AGBL4: variants seen among roughly 807,000 people sequenced by gnomAD.
AGBL4 encodes the protein cytosolic carboxypeptidase 6.
A neutral mutation model predicts 66.4 loss-of-function variants in AGBL4; 58 were observed. That is an observed-to-expected ratio of 0.87 (90% CI 0.71 to 1.09). AGBL4 has a LOEUF of 1.09. AGBL4 is among the 50% of genes least tolerant of loss of function. The probability of loss-of-function intolerance (pLI) is 0.00; values close to 1 mark genes in which losing one functional copy is unlikely to be tolerated. For missense variants in AGBL4, 579 were observed against 631.0 expected, an observed-to-expected ratio of 0.92 and a Z score of 0.88; for synonymous variants, 234 against 222.9, an observed-to-expected ratio of 1.05 and a Z score of -0.44.
At chr1:49,882,194 T>C (rs923566840) in intron 1 of AGBL4, among the ~76,000 whole-genome samples, 32 of 151,114 alleles carry the variant, frequency 2.1e-4, no homozygotes, top group African/African-American at 7.8e-4. Flanking sequence ...GATCAGATAG[T>C]TGTAGATATG....
chr1:49,105,952 C>A (rs1645284808), intron 4 of AGBL4, among the ~76,000 whole-genome samples: 1 of 152,014 alleles, frequency 6.6e-6, no homozygotes, highest in Admixed American at 6.6e-5. Context: ...ATAGAAAGGA[C>A]AAAGGAACAT....
At chr1:48,704,065 T>C (rs1646843960) in intron 6 of AGBL4, among the ~76,000 whole-genome samples, 1 of 152,244 alleles carries the variant, frequency 6.6e-6, no homozygotes, top group Admixed American at 6.5e-5. Flanking sequence ...CTGTACAGCA[T>C]GGTACTGTAC....
At position 49,968,762 on chromosome 1, in the gene AGBL4, T is replaced by C. The variant is rs143097821; in HGVS notation, c.34+55001A>G. Among the ~76,000 whole-genome samples, 406 of 152,282 alleles carry C rather than the reference T, an allele frequency of 2.7e-3. 3 individuals carry two copies. Among genetic ancestry groups the C allele is most frequent in the African/African-American group, 9.5e-3 (394 of 41,556 alleles). The stretch of plus-strand genomic sequence containing the variant: ...CTCATTTGGTTTCCAGTTTGGAACA[T>C]GAAAGGGATGGCTAGAGCTCCAAAA... On this transcript the variant is annotated intron_variant, in intron 1 of 13. Transcript: ENST00000371839.
At chr1:48,597,829 AAGAG>A (rs898367061) in intron 9 of AGBL4, among the ~76,000 whole-genome samples, 6 of 150,846 alleles carry the variant, frequency 4.0e-5, no homozygotes, top group East Asian at 1.9e-4. Flanking sequence ...AAGAAAGAGA[AAGAG>A]AGAAAAAGAA....
intron 6 of AGBL4, among the ~76,000 whole-genome samples, chr1:48,747,253 A>G (rs772148597): frequency 2.0e-5 from 3 of 152,162 alleles, no homozygotes; most frequent in Non-Finnish European, 4.4e-5. Flanking sequence ...TTTTTTTTTA[A>G]AAAAGGGCTT....
chr1:49,629,176 A>G (rs919258432), intron 3 of AGBL4, among the ~76,000 whole-genome samples: 4 of 152,186 alleles, frequency 2.6e-5, no homozygotes, highest in Non-Finnish European at 5.9e-5. Context: ...CATATTGTCT[A>G]TAGGAACTTT....
intron 1 of AGBL4, among the ~76,000 whole-genome samples, chr1:49,961,387 C>A (rs1397368336): frequency 1.3e-5 from 2 of 151,866 alleles, no homozygotes; most frequent in South Asian, 4.2e-4. Context: ...CACCTCTAGT[C>A]CTAGTTACCT....
chr1:48,953,213 T>A (rs1371076650), intron 5 of AGBL4, among the ~76,000 whole-genome samples: 1 of 152,184 alleles, frequency 6.6e-6, no homozygotes, highest in Non-Finnish European at 1.5e-5. Flanking sequence ...CTAAACTCCA[T>A]GCCCAAAACC....
chr1:48,649,548 T>C (rs1047512650), intron 8 of AGBL4, among the ~76,000 whole-genome samples: 1 of 152,248 alleles, frequency 6.6e-6, no homozygotes, highest in Non-Finnish European at 1.5e-5. Context: ...TGGTATCATA[T>C]ACAGTAGTCT....
At chr1:48,727,424 C>A (rs1647359975) in intron 6 of AGBL4, 1 of 152,268 alleles carries the variant, frequency 6.6e-6, no homozygotes, top group Non-Finnish European at 1.5e-5. Flanking sequence ...CCGGAATATT[C>A]CTTCCCTGAA....
rs889673033 is a variant in AGBL4 at position 49,769,153 on chromosome 1, C to A, written c.158-71716G>T. Among the ~76,000 whole-genome samples, 4 of 151,982 alleles carry A rather than the reference C, an allele frequency of 2.6e-5. No individual in the cohort carries two copies. In the South Asian group the frequency reaches 8.3e-4, roughly 32 times the overall value. ...TGAGCCACCACACCCAGCCAAAAAT[C>A]AGGACCATTTCTATATGTTCAAGCC... On this transcript the variant is annotated intron_variant, in intron 2 of 13. Coordinates refer to ENST00000371839, the MANE Select transcript of AGBL4 (RefSeq NM_032785.4).
At chr1:49,902,994 A>G (rs1170160715) in intron 1 of AGBL4, among the ~76,000 whole-genome samples, 1 of 152,170 alleles carries the variant, frequency 6.6e-6, no homozygotes, top group Non-Finnish European at 1.5e-5. Flanking sequence ...TAATCCCATT[A>G]TTGGGTATAT....
chr1:49,106,112 C>T (rs368638366), intron 4 of AGBL4, among the ~76,000 whole-genome samples: 26 of 152,198 alleles, frequency 1.7e-4, no homozygotes, highest in African/African-American at 4.8e-4. Flanking sequence ...TCTTTGGTGA[C>T]GGACCCCAGT....
rs3054630 is a variant in AGBL4, at chr1:49,465,210, TACACACACACACACACACAC to T, written c.283-219366_283-219347del. 1.5e-4 allele frequency among the ~76,000 whole-genome samples: 18 copies of T among 116,836 alleles called. 1 individual carries two copies. The highest frequency in any genetic ancestry group is 1.5e-3 in the South Asian group (5 of 3,294). 76.6% of individuals were successfully genotyped at this position (116,836 alleles called of 152,430 possible). A position where few individuals can be genotyped will look rare whatever the true frequency, so the allele number is the denominator to read the frequency against. On this transcript the variant is annotated intron_variant, in intron 3 of 13. Coordinates refer to ENST00000371839, the MANE Select transcript of AGBL4 (RefSeq NM_032785.4). ...CTGTATTCCCTACCCTACCCCTACA[TACACACACACACACACACAC>T]ACACACACACACACACACACACACA...
chr1:49,965,167 CT>C (rs750282548), intron 1 of AGBL4, among the ~76,000 whole-genome samples: 194 of 152,206 alleles, frequency 1.3e-3, no homozygotes, highest in Middle Eastern at 3.4e-3. Context: ...CAATGATTGC[CT>C]CCTATCAATT....
chr1:49,510,583 T>C (rs1649133865), intron 3 of AGBL4, among the ~76,000 whole-genome samples: 1 of 151,212 alleles, frequency 6.6e-6, no homozygotes, highest in Admixed American at 6.6e-5. Context: ...AGCTCTTTAG[T>C]TTAATTAGAT....
At chr1:49,652,149 CA>C (rs568171489) in intron 3 of AGBL4, among the ~76,000 whole-genome samples, 4 of 151,130 alleles carry the variant, frequency 2.6e-5, no homozygotes, top group African/African-American at 7.3e-5. Context: ...AAAAACAAAG[CA>C]AAAAAAATTT....
chr1:48,656,810 G>T (rs1159395472), intron 7 of AGBL4, among the ~76,000 whole-genome samples: 1 of 152,078 alleles, frequency 6.6e-6, no homozygotes, highest in Admixed American at 6.5e-5. Flanking sequence ...ATAAACCCGG[G>T]ATTCATAAAG....
intron 1 of AGBL4, among the ~76,000 whole-genome samples, chr1:49,872,587 T>C (rs1475022290): frequency 6.6e-6 from 1 of 152,122 alleles, no homozygotes; most frequent in Non-Finnish European, 1.5e-5. Context: ...TTCACACAGG[T>C]ATCTGCAGGC....
Sources: gnomAD v4.1 joint callset for allele counts (sites outside exome capture counted in the v4.1 genomes callset) on GRCh38, gnomAD v4.1.1 for gene constraint, MANE v1.5 for transcripts, NCBI Gene and HGNC (gene_info 2026-07-23, HGNC 2026-07-21) for gene names.